The following MGAT5 variants were observed in gnomAD, a reference collection of about 807,000 sequenced individuals.
MGAT5 encodes alpha-1,6-mannosylglycoprotein 6-beta-N-acetylglucosaminyltransferase.
A neutral mutation model predicts 94.3 loss-of-function variants in MGAT5; 30 were observed. The observed-to-expected ratio is 0.32, with a 90% CI of 0.24 to 0.43. The LOEUF is 0.43. Among genes scored for constraint, MGAT5 ranks in the 20% least tolerant of loss-of-function variants. The probability of loss-of-function intolerance (pLI) is 1.00; values close to 1 mark genes in which losing one functional copy is unlikely to be tolerated. For missense variants in MGAT5, 691 were observed against 905.5 expected, an observed-to-expected ratio of 0.76 and a Z score of 3.04; for synonymous variants, 310 against 322.9, an observed-to-expected ratio of 0.96 and a Z score of 0.43.
intron 3 of MGAT5, 70 bp from the exon 4 acceptor site, chr2:134,318,580 C>A: frequency 8.8e-7 from 1 of 1,140,654 alleles, no homozygotes; most frequent in Non-Finnish European, 1.3e-6. Flanking sequence ...CCATTCTATC[C>A]TCGCCTTCCC....
chr2:134,161,518 A>G (rs1687732604), intron 1 of MGAT5, among the ~76,000 whole-genome samples: 1 of 152,200 alleles, frequency 6.6e-6, no homozygotes, highest in Non-Finnish European at 1.5e-5. Flanking sequence ...GGCAGGAGGC[A>G]GAAGCCTGGG....
intron 1 of MGAT5, among the ~76,000 whole-genome samples, chr2:134,177,408 G>A (rs565295639): frequency 3.3e-5 from 5 of 152,196 alleles, no homozygotes; most frequent in East Asian, 3.9e-4. Context: ...TTTTAGGGCC[G>A]GGTCTGGCTG....
At position 134,149,613 on chromosome 2, in the gene MGAT5, C is replaced by T. The variant is rs371721112; in HGVS notation, c.-143+29322C>T. On this transcript the variant is annotated intron_variant, in intron 1 of 16. Transcript: ENST00000409645. ...AGGTTAATAAACTCTTGGAAATGCC[C>T]CCACATGCTTATAGACCCACATCTG... Among the ~76,000 whole-genome samples the T allele has an allele frequency of 2.6e-5, 4 of 152,324 alleles. No individual in the cohort carries two copies. The East Asian group carries it at 5.8e-4, about 22-fold the overall frequency.
chr2:134,272,372 T>C (rs1016107348), intron 2 of MGAT5, among the ~76,000 whole-genome samples: 1 of 151,834 alleles, frequency 6.6e-6, no homozygotes, highest in Non-Finnish European at 1.5e-5. Flanking sequence ...GTGTTTTGTT[T>C]TTTTTTTCCT....
intron 1 of MGAT5, among the ~76,000 whole-genome samples, chr2:134,207,578 A>C (rs1253155136): frequency 6.9e-5 from 10 of 145,812 alleles, no homozygotes; most frequent in South Asian, 4.3e-4. Flanking sequence ...TGAAAGGTTA[A>C]AAAAAAAAAA....
In MGAT5 at chr2:134,381,330, C is replaced by CATAGATAT. The variant is rs140600612; in HGVS notation, c.1380+18929_1380+18930insTATAGATA. Among the ~76,000 whole-genome samples, 17 of 67,810 alleles carry CATAGATAT rather than the reference C, an allele frequency of 2.5e-4. No individual in the cohort carries two copies. The Admixed American group carries it at 2.6e-3, about 11-fold the overall frequency. 44.5% of individuals were successfully genotyped at this position (67,810 alleles called of 152,430 possible). On this transcript the variant is annotated intron_variant, in intron 10 of 15. Coordinates refer to ENST00000281923, the MANE Select transcript of MGAT5 (RefSeq NM_002410.5). ...CTGGGCAGCATAGCAAGACCTGTCT[C>CATAGATAT]ATAGATAGATAGATAGATAGATAGA...
rs2105200199 is a variant in MGAT5 at position 134,186,453 on chromosome 2, T to C, written c.-143+66162T>C. Among the ~76,000 whole-genome samples the C allele has an allele frequency of 2.0e-5, 3 of 150,114 alleles. No individual in the cohort carries two copies. The South Asian group carries it at 6.7e-4, about 33-fold the overall frequency. ...GAGGATTTGAGATGTCAGTGCCACTTACCTCAGATTTAGAGAAATTCATCA... is the reference window on the plus strand; with the variant it reads ...GAGGATTTGAGATGTCAGTGCCACTCACCTCAGATTTAGAGAAATTCATCA... On this transcript the variant is annotated intron_variant, in intron 1 of 16. Transcript: ENST00000409645.
At chr2:134,159,645 T>G (rs899354097) in intron 1 of MGAT5, among the ~76,000 whole-genome samples, 1 of 151,982 alleles carries the variant, frequency 6.6e-6, no homozygotes, top group Non-Finnish European at 1.5e-5. Flanking sequence ...AGGCCAGGAG[T>G]TTGAGACCAG....
intron 10 of MGAT5, among the ~76,000 whole-genome samples, chr2:134,374,457 A>G (rs1681031083): frequency 6.6e-6 from 1 of 152,232 alleles, no homozygotes; most frequent in Non-Finnish European, 1.5e-5. Context: ...AGCAGACTTT[A>G]CAATGTGGAA....
At chr2:134,404,860 C>T (rs927537987) in intron 11 of MGAT5, among the ~76,000 whole-genome samples, 1 of 152,194 alleles carries the variant, frequency 6.6e-6, no homozygotes, top group African/African-American at 2.4e-5. Context: ...TGCTTTCTAT[C>T]ACCTTCTGTC....
intron 2 of MGAT5, among the ~76,000 whole-genome samples, chr2:134,276,015 A>G (rs1443483723): frequency 1.3e-5 from 2 of 152,170 alleles, no homozygotes; most frequent in Non-Finnish European, 2.9e-5. Context: ...ATTCCGATCT[A>G]TGAGATACTG....
intron 10 of MGAT5, among the ~76,000 whole-genome samples, chr2:134,400,680 T>G (rs1199173900): frequency 6.6e-6 from 1 of 152,150 alleles, no homozygotes; most frequent in Non-Finnish European, 1.5e-5. Context: ...CAGTTACTGG[T>G]CTACCCTGTA....
chr2:134,151,526 A>G (rs1364258603), intron 1 of MGAT5, among the ~76,000 whole-genome samples: 1 of 129,330 alleles, frequency 7.7e-6, no homozygotes, highest in Admixed American at 7.9e-5. Context: ...ACTCACTGCC[A>G]TGGGACCTCA....
At chr2:134,342,867 A>G (rs1296452747) in intron 7 of MGAT5, among the ~76,000 whole-genome samples, 1 of 152,184 alleles carries the variant, frequency 6.6e-6, no homozygotes, top group Non-Finnish European at 1.5e-5. Context: ...CTTGCTGCCA[A>G]TCTTTTGATA....
intron 10 of MGAT5, among the ~76,000 whole-genome samples, chr2:134,402,686 A>T (rs1186233617): frequency 6.6e-6 from 1 of 152,238 alleles, no homozygotes; most frequent in Non-Finnish European, 1.5e-5. Flanking sequence ...ATTTCAAAAC[A>T]GTTGGCTATA....
At chr2:134,186,571 C>A (rs935100878) in intron 1 of MGAT5, among the ~76,000 whole-genome samples, 2 of 152,068 alleles carry the variant, frequency 1.3e-5, no homozygotes, top group Non-Finnish European at 2.9e-5. Context: ...AGAATCGGAG[C>A]ACGTTAATTG....
intron 8 of MGAT5, among the ~76,000 whole-genome samples, chr2:134,346,463 A>G (rs1390178837): frequency 6.6e-6 from 1 of 152,024 alleles, no homozygotes; most frequent in Non-Finnish European, 1.5e-5. Context: ...TTAGCTCTGC[A>G]GTCTTTGTGG....
intron 4 of MGAT5, among the ~76,000 whole-genome samples, chr2:134,332,924 G>T (rs1461161172): frequency 1.3e-5 from 2 of 152,224 alleles, no homozygotes; most frequent in South Asian, 2.1e-4. Context: ...TCATTAAAAA[G>T]TCAGGAAACA....
In MGAT5 at chr2:134,223,970, TA is replaced by T. The variant is rs1266159402; in HGVS notation, c.-142-30289del. On this transcript the variant is annotated intron_variant, in intron 1 of 16. Coordinates refer to the MGAT5 transcript ENST00000409645. ...CAATCTGAATTTTGGAGAACTCAGGTAAATTTGCTTACAAAAACATACTTTA... is the reference window on the plus strand; with the variant it reads ...CAATCTGAATTTTGGAGAACTCAGGTAATTTGCTTACAAAAACATACTTTA... Among the ~76,000 whole-genome samples, 7 of 152,208 alleles carry T rather than the reference TA, an allele frequency of 4.6e-5. No homozygotes were observed. The South Asian group carries it at 1.5e-3, about 32-fold the overall frequency.
Sources: allele counts gnomAD v4.1 joint callset (sites outside exome capture counted in the v4.1 genomes callset), GRCh38; gene constraint gnomAD v4.1.1; transcripts MANE v1.5; gene names NCBI Gene and HGNC (gene_info 2026-07-23, HGNC 2026-07-21).